The following HAGH variants were observed in gnomAD, a reference collection of about 807,000 sequenced individuals.
The protein encoded by HAGH is hydroxyacylglutathione hydrolase, mitochondrial.
Under a neutral mutation model 35.1 loss-of-function variants are expected in HAGH, and 29 were observed. The ratio of observed to expected loss-of-function variants is 0.83; its 90% CI spans 0.62 to 1.13. The LOEUF (loss-of-function observed/expected upper bound fraction) is 1.13, where lower values mean the gene tolerates loss of function less well. HAGH is among the 50% of genes most tolerant of loss of function. HAGH has a pLI of 0.00. For missense variants in HAGH, 478 were observed against 419.6 expected (o/e 1.14, Z -1.22); for synonymous variants, 225 against 176.1 (o/e 1.28, Z -2.20).
At chr16:1,812,635 C>T (rs1897710407) in intron 7 of HAGH, among the ~76,000 whole-genome samples, 2 of 151,832 alleles carry the variant, frequency 1.3e-5, no homozygotes, top group African/African-American at 4.8e-5. Context: ...TATACAAATT[C>T]CAAAAATAAA....
chr16:1,819,312 G>T, intron 4 of HAGH, 89 bp from the exon 5 acceptor site: 2 of 761,778 alleles, frequency 2.6e-6, no homozygotes, highest in Non-Finnish European at 4.3e-6. Context: ...GCCCTACTGG[G>T]CCTCCTCAGC....
intron 1 of HAGH, 154 bp downstream of exon 1, chr16:1,826,558 G>T: frequency 1.0e-6 from 1 of 982,276 alleles, no homozygotes; most frequent in Non-Finnish European, 1.2e-6. Context: ...CAGCCTCAGC[G>T]CCTGCGCCGC....
intron 1 of HAGH, among the ~76,000 whole-genome samples, chr16:1,825,918 G>A (rs368392271): frequency 8.5e-5 from 13 of 152,276 alleles, no homozygotes; most frequent in African/African-American, 3.1e-4. Flanking sequence ...CTTGAACTGG[G>A]CGGCACCAAA....
chr16:1,812,488 G>C (rs1300357380), intron 7 of HAGH: 1 of 136,654 alleles, frequency 7.3e-6, no homozygotes, highest in Non-Finnish European at 1.5e-5. Flanking sequence ...TGGGCGGCAA[G>C]AGCGAAACGC....
chr16:1,823,744 TAAAAAAAAAAAAAAAAAA>T (rs71145496), intron 1 of HAGH, among the ~76,000 whole-genome samples: 4 of 55,916 alleles, frequency 7.2e-5, no homozygotes, highest in Non-Finnish European at 9.2e-5. Context: ...ACCTGTTCCT[TAAAAAAAAAAAAAAAAAA>T]AAAAAAAAAA....
intron 7 of HAGH, among the ~76,000 whole-genome samples, chr16:1,813,240 C>G (rs899740214): frequency 2.0e-5 from 3 of 152,162 alleles, no homozygotes; most frequent in Non-Finnish European, 4.4e-5. Context: ...CCCCCACTCT[C>G]TCCTTCCTCT....
intron 8 of HAGH, 171 bp from the exon 9 acceptor site, chr16:1,809,553 CAGA>C (rs1246945822): frequency 3.0e-6 from 2 of 665,060 alleles, no homozygotes; most frequent in Admixed American, 5.2e-5. Context: ...CTCCAGGGTC[CAGA>C]AGGACTCACA....
At position 1,811,158 on chromosome 16, in the gene HAGH, A is replaced by C. The variant is rs111480118; in HGVS notation, c.748-1325T>G. On this transcript the variant is annotated intron_variant, in intron 7 of 8. Transcript: ENST00000397356. Reference sequence around the variant, plus strand: ...GCCGAGCGCAGTGGCTCACGCCTGTAATCCTAACACTTTGGGAGGCCGAGG... The same window carrying C: ...GCCGAGCGCAGTGGCTCACGCCTGTCATCCTAACACTTTGGGAGGCCGAGG... 7.0e-4 allele frequency among the ~76,000 whole-genome samples: 106 copies of C among 152,372 alleles called. 1 individual carries two copies. The highest frequency in any genetic ancestry group is 2.3e-3 in the African/African-American group (94 of 41,586).
upstream of HAGH, chr16:1,826,836 G>A (rs1195950601): frequency 1.7e-6 from 2 of 1,152,994 alleles, no homozygotes; most frequent in African/African-American, 1.6e-5. Context: ...GCAAAACACC[G>A]GCGTCGGCGC....
In HAGH at chr16:1,826,715, G is replaced by A. The variant is rs1898449932; in HGVS notation, c.73C>T (p.Leu25Phe). ...CGCACCGCCCCGCCGCACCCACCGA[G>A]GCCTCGGCGGGCGCAGGCGGCTCCC... Reference protein sequence around the residue: ...ALGAACARRGLGPALLGVFCH... With the variant: ...ALGAACARRGFGPALLGVFCH... Residue 25 changes from leucine to phenylalanine, a missense_variant, in exon 1 of 9, where the codon CTC becomes TTC. Transcript: ENST00000397356. 8.9e-7 allele frequency: 1 copy of A among 1,124,392 alleles called. No individual in the cohort carries two copies. 69.7% of individuals were successfully genotyped at this position (1,124,392 alleles called of 1,614,324 possible).
At chr16:1,826,407 G>A (rs1371283790) in intron 1 of HAGH, 8 of 301,380 alleles carry the variant, frequency 2.7e-5, no homozygotes, top group Non-Finnish European at 3.9e-5. Context: ...TCTCCTCGGC[G>A]CCGGCCCGGG....
At chr16:1,819,052 C>G in intron 5 of HAGH, 63 bp downstream of exon 5, 1 of 1,051,266 alleles carries the variant, frequency 9.5e-7, no homozygotes, top group South Asian at 1.3e-5. Flanking sequence ...CGTGAGCCTG[C>G]CTGGCAGGAG....
At position 1,822,955 on chromosome 16, in the gene HAGH, C is replaced by G. The variant is rs983824078; in HGVS notation, c.159G>C (p.Val53=). ...TGTAGTTGTCGGTCAGGGCAGGCAG[C>G]ACCTCTACCTTCATGGTGCCCTCGT... is the stretch of plus-strand genomic sequence containing the variant. ...TVDEGTMKVE[V]LPALTDNYMY... The change falls in exon 2 of 9, where the codon GTG becomes GTC. Residue 53 remains valine, a synonymous_variant. Coordinates refer to ENST00000397356, the MANE Select transcript of HAGH (RefSeq NM_005326.6). The G allele has an allele frequency of 3.7e-6, 6 of 1,613,544 alleles. No homozygotes were observed. The highest frequency in any genetic ancestry group is 3.4e-6 in the Non-Finnish European group (4 of 1,179,570).
intron 7 of HAGH, among the ~76,000 whole-genome samples, chr16:1,814,026 C>A (rs1324370828): frequency 6.6e-6 from 1 of 152,220 alleles, no homozygotes; most frequent in African/African-American, 2.4e-5. Flanking sequence ...TCACCTCGCA[C>A]CACACACAAA....
chr16:1,818,970 C>T (rs1898025420), intron 5 of HAGH, 145 bp downstream of exon 5: 2 of 614,936 alleles, frequency 3.3e-6, no homozygotes, highest in Admixed American at 5.5e-5. Context: ...GCCAGCCCCA[C>T]CATGAGGCTC....
chr16:1,825,456 C>T (rs1898357845), intron 1 of HAGH, among the ~76,000 whole-genome samples: 1 of 152,206 alleles, frequency 6.6e-6, no homozygotes, highest in Non-Finnish European at 1.5e-5. Context: ...CTCAGCCCAG[C>T]ACTGCCTGGC....
intron 7 of HAGH, chr16:1,810,914 T>A (rs1897619804): frequency 6.6e-6 from 1 of 152,230 alleles, no homozygotes; most frequent in African/African-American, 2.4e-5. Context: ...GAGAATGTTT[T>A]AAAATATTCC....
In HAGH at chr16:1,822,915, C is replaced by T. The variant is rs1335548401; in HGVS notation, c.199G>A (p.Asp67Asn). 6 of 1,613,906 alleles carry T rather than the reference C, an allele frequency of 3.7e-6. No individual in the cohort carries two copies. Among genetic ancestry groups the T allele is most frequent in the Non-Finnish European group, 5.1e-6 (6 of 1,179,928 alleles). The change falls in exon 2 of 9, where the codon GAT becomes AAT. Residue 67 changes from aspartate to asparagine, a missense_variant. Physicochemically the swap from Asp to Asn is conservative, Grantham distance 23. Coordinates refer to ENST00000397356, the MANE Select transcript of HAGH (RefSeq NM_005326.6). ...ATGGCAGCCTCCTTGGTCTCATCAT[C>T]AATGACCAGGTACATGTAGTTGTCG... Reference protein sequence around the residue: ...LTDNYMYLVIDDETKEAAIVD... With the variant: ...LTDNYMYLVINDETKEAAIVD...
At chr16:1,819,309 T>A in intron 4 of HAGH, 86 bp from the exon 5 acceptor site, 2 of 790,642 alleles carry the variant, frequency 2.5e-6, no homozygotes, top group South Asian at 3.4e-5. Flanking sequence ...TGGGCCCTAC[T>A]GGGCCTCCTC....
Sources: gnomAD v4.1 joint callset for allele counts (sites outside exome capture counted in the v4.1 genomes callset) on GRCh38, gnomAD v4.1.1 for gene constraint, MANE v1.5 for transcripts, NCBI Gene and HGNC (gene_info 2026-07-23, HGNC 2026-07-21) for gene names.